CMTM4: variants seen among roughly 807,000 people sequenced by gnomAD.
CMTM4 encodes the protein CKLF-like MARVEL transmembrane domain-containing protein 4.
A neutral mutation model predicts 19.0 loss-of-function variants in CMTM4; 8 were observed. The ratio of observed to expected loss-of-function variants is 0.42; its 90% confidence interval spans 0.25 to 0.76. CMTM4 has a LOEUF of 0.76. Ranked by LOEUF, CMTM4 falls within the 30% of genes least tolerant of loss-of-function variation. The pLI is 0.27. For synonymous variants in CMTM4, 106 were observed against 121.1 expected (o/e 0.88, Z 0.82); for missense variants, 228 against 290.2 (o/e 0.79, Z 1.56).
At position 66,623,506 on chromosome 16, in the gene CMTM4, A is replaced by C. The variant is rs2015678754; in HGVS notation, c.364-4T>G. The C allele has an allele frequency of 6.3e-7, 1 of 1,589,870 alleles. No individual in the cohort carries two copies. The highest frequency in any genetic ancestry group is 8.6e-7 in the Non-Finnish European group (1 of 1,164,568). ...TGAGTCCAGTGTTGACCAAATCCTA[A>C]AGGGAGAGACAAAATAAACCAAGTG... On this transcript the variant is annotated splice_polypyrimidine_tract_variant and splice_region_variant and intron_variant, in intron 2 of 3. Transcript: ENST00000394106.
chr16:66,681,563 C>T (rs2016915433), intron 1 of CMTM4, among the ~76,000 whole-genome samples: 1 of 152,182 alleles, frequency 6.6e-6, no homozygotes, highest in Non-Finnish European at 1.5e-5. Context: ...CTTGGCCTCC[C>T]AAAGTGCTGG....
In CMTM4 at chr16:66,619,639, C is replaced by T; in HGVS notation, c.*2419G>A. 1.0e-6 allele frequency: 1 copy of T among 985,270 alleles called. No individual in the cohort carries two copies. The highest frequency in any genetic ancestry group is 1.7e-5 in the African/African-American group (1 of 57,296). The allele number at this position is 985,270 out of a possible 1,614,324, so 61.0% of individuals were successfully genotyped here. On this transcript the variant is annotated 3_prime_UTR_variant, in exon 4 of 4. Coordinates refer to ENST00000394106, the MANE Select transcript of CMTM4 (RefSeq NM_181521.3). ...GCGTCTTCATATTCACCTTGGATAA[C>T]CCTATTCCCTCCAGAACTTTCGTCA... is the stretch of plus-strand genomic sequence containing the variant.
rs2015555850 is a variant in CMTM4, at chr16:66,617,916, G to A, written c.*4142C>T. 1 of 987,868 alleles carries A rather than the reference G, an allele frequency of 1.0e-6. No homozygotes were observed. Among genetic ancestry groups the A allele is most frequent in the Non-Finnish European group, 1.2e-6 (1 of 831,642 alleles). 61.2% of individuals were successfully genotyped at this position (987,868 alleles called of 1,614,324 possible). On this transcript the variant is annotated 3_prime_UTR_variant, in exon 4 of 4. Coordinates refer to ENST00000394106, the MANE Select transcript of CMTM4 (RefSeq NM_181521.3). ...GCGAGACAGCTTTCAAAGACAAGAG[G>A]ACAGGAAGGCAGTTAACAAAGTACA... is the stretch of plus-strand genomic sequence containing the variant.
At chr16:66,604,594 G>A in the CMTM4 span, 2 of 354,400 alleles carry the variant, frequency 5.6e-6, no homozygotes, top group African/African-American at 2.2e-5. Context: ...GAGGGGGCGG[G>A]TCGGGCCCAG....
Position 66,636,391 on chromosome 16 carries a change from C to A in CMTM4, c.363+14G>T. 1.2e-6 allele frequency: 2 copies of A among 1,608,548 alleles called. No homozygotes were observed. Among genetic ancestry groups the A allele is most frequent in the East Asian group, 4.5e-5 (2 of 44,752 alleles). ...CGTGATCCTTTCATGGCCAGAGTGG[C>A]CGCTTGTACTCACTGTCAGATTCCA... is the stretch of plus-strand genomic sequence containing the variant. On this transcript the variant is annotated intron_variant, in intron 2 of 3. Coordinates refer to ENST00000394106, the MANE Select transcript of CMTM4 (RefSeq NM_181521.3).
intron 1 of CMTM4, among the ~76,000 whole-genome samples, chr16:66,692,324 A>C (rs1425886892): frequency 6.6e-6 from 1 of 152,088 alleles, no homozygotes; most frequent in Non-Finnish European, 1.5e-5. Context: ...TCCTGACCTC[A>C]AGTGATCCAG....
At chr16:66,631,140 G>A (rs1325510459) in intron 2 of CMTM4, among the ~76,000 whole-genome samples, 8 of 151,740 alleles carry the variant, frequency 5.3e-5, no homozygotes, top group East Asian at 2.0e-4. Context: ...GTCTCTGCCC[G>A]GCAGCCACCC....
In CMTM4 at chr16:66,622,679, C is replaced by T. The variant is rs1350284752; in HGVS notation, c.463-457G>A. Among the ~76,000 whole-genome samples the T allele has an allele frequency of 1.3e-5, 2 of 152,168 alleles. No homozygotes were observed. The highest frequency in any genetic ancestry group is 4.8e-5 in the African/African-American group (2 of 41,434). ...TAACATAGACAGAAAATCAGGGTTT[C>T]GCATGTGGGTCCCAAATCAAGCCAC... On this transcript the variant is annotated intron_variant, in intron 3 of 3. Coordinates refer to ENST00000394106, the MANE Select transcript of CMTM4 (RefSeq NM_181521.3). This position sits in a 1 kb window ranked among gnomAD's most constrained non-coding sequence, Gnocchi z 4.0.
At chr16:66,687,138 CTTT>C (rs35098269) in intron 1 of CMTM4, among the ~76,000 whole-genome samples, 121 of 131,268 alleles carry the variant, frequency 9.2e-4, no homozygotes, top group Admixed American at 2.0e-3. Flanking sequence ...GTGCAGAATG[CTTT>C]TTTTTTTTTT....
rs117328076 is a variant in CMTM4, at chr16:66,653,561, A to G, written c.187-16980T>C. ...TGGTTATAATGGTGTCCCCAGCTCCAGAGACAGTGAGAACAGTGGAACCTA... is the reference window on the plus strand; with the variant it reads ...TGGTTATAATGGTGTCCCCAGCTCCGGAGACAGTGAGAACAGTGGAACCTA... On this transcript the variant is annotated intron_variant, in intron 1 of 3. Transcript: ENST00000394106. Among the ~76,000 whole-genome samples the G allele has an allele frequency of 3.3e-4, 51 of 152,332 alleles. No individual in the cohort carries two copies. The East Asian group carries it at 9.5e-3, about 28-fold the overall frequency.
intron 1 of CMTM4, among the ~76,000 whole-genome samples, chr16:66,684,867 C>A (rs768433540): frequency 2.6e-5 from 4 of 152,224 alleles, no homozygotes; most frequent in Non-Finnish European, 4.4e-5. Flanking sequence ...GAAGCCATCC[C>A]CCTGAGCAGG....
chr16:66,659,308 G>A (rs1465980342), intron 1 of CMTM4, among the ~76,000 whole-genome samples: 1 of 151,864 alleles, frequency 6.6e-6, no homozygotes, highest in African/African-American at 2.4e-5. Flanking sequence ...CTCAGAGGCG[G>A]AGGTTGCAGT....
chr16:66,650,948 T>A (rs1161082042), intron 1 of CMTM4, among the ~76,000 whole-genome samples: 1 of 152,170 alleles, frequency 6.6e-6, no homozygotes, highest in Non-Finnish European at 1.5e-5. Context: ...GTCTTCAGAA[T>A]CAGACGAAGC....
chr16:66,693,542 G>A (rs1445282848), intron 1 of CMTM4, among the ~76,000 whole-genome samples: 1 of 151,940 alleles, frequency 6.6e-6, no homozygotes, highest in Non-Finnish European at 1.5e-5. Context: ...GAGTTTTGTG[G>A]GATTTTCATC....
At chr16:66,694,789 A>T (rs552692948) in intron 1 of CMTM4, among the ~76,000 whole-genome samples, 1 of 152,050 alleles carries the variant, frequency 6.6e-6, no homozygotes, top group South Asian at 2.1e-4. Flanking sequence ...CAGCAACGCC[A>T]AACTAAAAAC....
intron 1 of CMTM4, among the ~76,000 whole-genome samples, chr16:66,692,300 G>A (rs933658043): frequency 6.6e-6 from 1 of 152,162 alleles, no homozygotes; most frequent in African/African-American, 2.4e-5. Flanking sequence ...ATGGTGGCCA[G>A]GCTAGTCTTG....
chr16:66,696,588 A>C lies in CMTM4; in HGVS notation c.-63T>G. 1 of 1,020,384 alleles carries C rather than the reference A, an allele frequency of 9.8e-7. No individual in the cohort carries two copies. Among genetic ancestry groups the C allele is most frequent in the African/African-American group, 1.7e-5 (1 of 57,528 alleles). 63.2% of individuals were successfully genotyped at this position (1,020,384 alleles called of 1,614,324 possible). A position where few individuals can be genotyped will look rare whatever the true frequency, so the allele number is the denominator to read the frequency against. ...CCCGGCGCCAGGAGCGGGCGGACTC[A>C]GCGGGGCCGCCGCATCGCCGCCGCC... is the stretch of plus-strand genomic sequence containing the variant. On this transcript the variant is annotated 5_prime_UTR_variant, in exon 1 of 4. The change abolishes the stop of an existing upstream ORF in the 5' untranslated region. Transcript: ENST00000394106. The surrounding 1 kb of genome is among the most constrained non-coding windows in gnomAD (Gnocchi z 4.3).
chr16:66,620,483 C>T lies in CMTM4; in HGVS notation c.*1575G>A. 1 of 985,520 alleles carries T rather than the reference C, an allele frequency of 1.0e-6. No homozygotes were observed. Among genetic ancestry groups the T allele is most frequent in the Non-Finnish European group, 1.2e-6 (1 of 830,004 alleles). 61.0% of individuals were successfully genotyped at this position (985,520 alleles called of 1,614,324 possible). On this transcript the variant is annotated 3_prime_UTR_variant, in exon 4 of 4. Coordinates refer to ENST00000394106, the MANE Select transcript of CMTM4 (RefSeq NM_181521.3). ...ACCCCAACTCCGACCCCCAGCCCAG[C>T]AGTGTTGCCTGATCAACACTGTGAG...
Position 66,618,809 on chromosome 16 carries a change from G to C in CMTM4, c.*3249C>G. On this transcript the variant is annotated 3_prime_UTR_variant, in exon 4 of 4. Coordinates refer to ENST00000394106, the MANE Select transcript of CMTM4 (RefSeq NM_181521.3). ...AGCACCCGACATAGGGTGGAGGTCA[G>C]ACACATTCCCTGGCTGCCCACAGGC... 2 of 985,512 alleles carry C rather than the reference G, an allele frequency of 2.0e-6. No individual in the cohort carries two copies. Among genetic ancestry groups the C allele is most frequent in the Non-Finnish European group, 2.4e-6 (2 of 829,966 alleles). 61.0% of individuals were successfully genotyped at this position (985,512 alleles called of 1,614,324 possible).
Sources: gnomAD v4.1 joint callset for allele counts (sites outside exome capture counted in the v4.1 genomes callset) on GRCh38, gnomAD v4.1.1 for gene constraint, Gnocchi (gnomAD v3.1) non-coding constraint, MANE v1.5 for transcripts, NCBI Gene and HGNC (gene_info 2026-07-23, HGNC 2026-07-21) for gene names.